The following RGS5 variants were observed in gnomAD, a reference collection of about 807,000 sequenced individuals.
RGS5 encodes regulator of G-protein signalling 5.
RGS5 carries 20 observed loss-of-function variants against 18.9 expected under a neutral mutation model. That is an observed-to-expected ratio of 1.06 (90% CI 0.74 to 1.54). The LOEUF (loss-of-function observed/expected upper bound fraction) is 1.54, where lower values mean the gene tolerates loss of function less well. Among genes scored for constraint, RGS5 ranks in the 40% most tolerant of loss-of-function variants. The pLI is 0.00. For synonymous variants in RGS5, 57 were observed against 76.2 expected, an observed-to-expected ratio of 0.75 and a Z score of 1.31; for missense variants, 201 against 211.8, an observed-to-expected ratio of 0.95 and a Z score of 0.32.
chr1:163,241,078 C>A (rs757006932), intron 2 of RGS5, among the ~76,000 whole-genome samples: 2 of 152,186 alleles, frequency 1.3e-5, no homozygotes, highest in African/African-American at 2.4e-5. Flanking sequence ...AGGTAAGAGA[C>A]CCCTGACCAC....
At chr1:163,298,636 T>C (rs939804390) in intron 2 of RGS5, among the ~76,000 whole-genome samples, 3 of 152,130 alleles carry the variant, frequency 2.0e-5, no homozygotes, top group African/African-American at 4.8e-5. Context: ...GAAGAGGTAA[T>C]GGATAGTTTG....
chr1:163,308,494 T>C (rs924335454), intron 1 of RGS5: 5 of 152,222 alleles, frequency 3.3e-5, no homozygotes, highest in African/African-American at 1.2e-4. Flanking sequence ...AAAGGCATAA[T>C]ATTAAACTGT....
At chr1:163,267,120 G>A (rs1648590826) in intron 2 of RGS5, 1 of 152,072 alleles carries the variant, frequency 6.6e-6, no homozygotes, top group African/African-American at 2.4e-5. Context: ...TGGAGGCAGG[G>A]TCTTTGGAAG....
chr1:163,152,536 A>T lies in RGS5; in HGVS notation c.384+14T>A, dbSNP rs1204789709. The stretch of plus-strand genomic sequence containing the variant: ...TGAGCTGCCCTTAACTGACCCACCT[A>T]CCCAGAGACCAACCTCTTTAGGAGC... On this transcript the variant is annotated intron_variant, in intron 4 of 4. Transcript: ENST00000313961. The T allele has an allele frequency of 6.2e-7, 1 of 1,605,854 alleles. No individual in the cohort carries two copies. The highest frequency in any genetic ancestry group is 1.1e-5 in the South Asian group (1 of 89,100).
chr1:163,198,332 T>C (rs1571279401), intron 1 of RGS5, among the ~76,000 whole-genome samples: 1 of 152,120 alleles, frequency 6.6e-6, no homozygotes, highest in Admixed American at 6.6e-5. Context: ...TTAGCCCTTC[T>C]CAGTCTGAAA....
In RGS5 at chr1:163,145,027, T is replaced by C. The variant is rs925085860; in HGVS notation, c.*2315A>G. 2.0e-5 allele frequency: 3 copies of C among 152,198 alleles called. No homozygotes were observed. The highest frequency in any genetic ancestry group is 6.5e-5 in the Admixed American group (1 of 15,278). The allele number at this position is 152,198 out of a possible 1,614,324, so 9.4% of individuals were successfully genotyped here. ...TATAGATATAATGTCACAATATCAC[T>C]ATAAGGCATTCCTTCTTCCATTCTT... On this transcript the variant is annotated 3_prime_UTR_variant, in exon 5 of 5. Transcript: ENST00000313961.
intron 1 of RGS5, among the ~76,000 whole-genome samples, chr1:163,312,122 T>C (rs796563549): frequency 6.6e-5 from 10 of 152,356 alleles, no homozygotes; most frequent in African/African-American, 2.2e-4. Context: ...CATGCTGTTC[T>C]CATGATAGTG....
At chr1:163,283,737 G>C (rs981491492) in intron 2 of RGS5, among the ~76,000 whole-genome samples, 1 of 152,198 alleles carries the variant, frequency 6.6e-6, no homozygotes, top group Non-Finnish European at 1.5e-5. Context: ...TGTTGTGAAA[G>C]CTCAACATTG....
intron 2 of RGS5, among the ~76,000 whole-genome samples, chr1:163,270,924 G>A (rs992504731): frequency 6.6e-6 from 1 of 152,012 alleles, no homozygotes; most frequent in Non-Finnish European, 1.5e-5. Flanking sequence ...CCATTCCTTG[G>A]GGTTTTTTAA....
intron 2 of RGS5, among the ~76,000 whole-genome samples, chr1:163,241,539 G>A (rs558623125): frequency 6.6e-6 from 1 of 152,074 alleles, no homozygotes; most frequent in East Asian, 1.9e-4. Context: ...TCTGGTTTAC[G>A]GTTTCCTTCC....
chr1:163,294,514 G>A (rs1419717533), intron 2 of RGS5, among the ~76,000 whole-genome samples: 8 of 152,222 alleles, frequency 5.3e-5, no homozygotes, highest in Non-Finnish European at 1.2e-4. Context: ...CCTGGCCCAT[G>A]AAACCATTTT....
Position 163,182,776 on chromosome 1 carries a change from T to G in RGS5, c.45-14408A>C, listed in dbSNP as rs11585077. Among the ~76,000 whole-genome samples the G allele has an allele frequency of 1.6e-3, 243 of 152,094 alleles. 1 individual carries two copies. The highest frequency in any genetic ancestry group is 5.4e-3 in the African/African-American group (225 of 41,466). On this transcript the variant is annotated intron_variant, in intron 1 of 4. Coordinates refer to ENST00000313961, the MANE Select transcript of RGS5 (RefSeq NM_003617.4). The stretch of plus-strand genomic sequence containing the variant: ...GTGGAGGGGTCAGAAGGGATTCCCA[T>G]GAGAGCTCCTCTGAACACTGCAGTC...
intron 2 of RGS5, among the ~76,000 whole-genome samples, chr1:163,165,384 T>C (rs12063171): frequency 0.011 from 1,712 of 152,330 alleles, 37 homozygotes; most frequent in African/African-American, 0.039. Context: ...TGAATATCTA[T>C]ATCAGCTCCT....
intron 2 of RGS5, among the ~76,000 whole-genome samples, chr1:163,259,213 G>A (rs185460450): frequency 1.4e-4 from 21 of 151,832 alleles, no homozygotes; most frequent in Admixed American, 7.9e-4. Flanking sequence ...GTGCAGTGGC[G>A]TGATCTCGGC....
chr1:163,295,658 T>C (rs944296271), intron 2 of RGS5, among the ~76,000 whole-genome samples: 3 of 152,234 alleles, frequency 2.0e-5, no homozygotes, highest in African/African-American at 7.2e-5. Context: ...CAAGATTCTT[T>C]ATACTTTTTC....
chr1:163,253,341 C>A (rs1034284722), intron 2 of RGS5, among the ~76,000 whole-genome samples: 1 of 152,116 alleles, frequency 6.6e-6, no homozygotes, highest in East Asian at 1.9e-4. Flanking sequence ...CAGAGTCTCA[C>A]TCTGTTGCCC....
chr1:163,185,875 T>C (rs1003747914), intron 1 of RGS5, among the ~76,000 whole-genome samples: 6 of 152,166 alleles, frequency 3.9e-5, no homozygotes, highest in African/African-American at 1.4e-4. Flanking sequence ...CTTAGATAAT[T>C]TGCTCAAATT....
upstream of RGS5, among the ~76,000 whole-genome samples, chr1:163,220,238 A>G (rs1465057472): frequency 6.6e-6 from 1 of 152,084 alleles, no homozygotes; most frequent in Non-Finnish European, 1.5e-5. Context: ...ATGTTTTTCT[A>G]CTGGGTTGTG....
intron 2 of RGS5, among the ~76,000 whole-genome samples, chr1:163,268,867 A>G (rs1478016358): frequency 6.6e-6 from 1 of 152,060 alleles, no homozygotes; most frequent in African/African-American, 2.4e-5. Context: ...GGAATTTGTT[A>G]GTATACTTCT....
Sources: gnomAD v4.1 joint callset for allele counts (sites outside exome capture counted in the v4.1 genomes callset) on GRCh38, gnomAD v4.1.1 for gene constraint, MANE v1.5 for transcripts, NCBI Gene and HGNC (gene_info 2026-07-23, HGNC 2026-07-21) for gene names.